The following TMED10 variants were observed in gnomAD, a reference collection of about 807,000 sequenced individuals.
TMED10 encodes transmembrane p24 trafficking protein 10, also known as transmembrane emp24 domain-containing protein 10.
A neutral mutation model predicts 23.1 loss-of-function variants in TMED10; 7 were observed. That is an observed-to-expected ratio of 0.30 (90% CI 0.17 to 0.57). TMED10 has a LOEUF of 0.57. Among genes scored for constraint, TMED10 ranks in the 20% least tolerant of loss-of-function variants. The pLI is 0.91. For synonymous variants in TMED10, 113 were observed against 106.9 expected (o/e 1.06, Z -0.35); for missense variants, 162 against 274.8 (o/e 0.59, Z 2.90).
chr14:75,145,104 G>A (rs1031386471), intron 3 of TMED10, among the ~76,000 whole-genome samples: 3 of 152,214 alleles, frequency 2.0e-5, no homozygotes, highest in African/African-American at 7.2e-5. Flanking sequence ...CAGGAGGGTG[G>A]GGATAGATGT....
chr14:75,147,105 T>C (rs1363883704), intron 3 of TMED10, among the ~76,000 whole-genome samples: 1 of 152,018 alleles, frequency 6.6e-6, no homozygotes, highest in Non-Finnish European at 1.5e-5. Context: ...TATGCTTCAG[T>C]GTTTTATCAA....
chr14:75,153,777 C>T (rs1397023212), intron 1 of TMED10, among the ~76,000 whole-genome samples: 10 of 131,772 alleles, frequency 7.6e-5, no homozygotes, highest in Admixed American at 8.5e-5. Flanking sequence ...TTTTTTTTCC[C>T]TTTTTTTTTT....
intron 2 of TMED10, among the ~76,000 whole-genome samples, chr14:75,150,807 G>A (rs1895945712): frequency 2.0e-5 from 3 of 152,172 alleles, no homozygotes; most frequent in Admixed American, 6.5e-5. Context: ...AGAACTGTCA[G>A]CCTATCCTCT....
Position 75,170,803 on chromosome 14 carries a change from GAAT to G in TMED10, c.225+5549_225+5551del, listed in dbSNP as rs755733417. On this transcript the variant is annotated intron_variant, in intron 1 of 4. Transcript: ENST00000303575. ...TAATCAGATGATATTAATTCCTTAA[GAAT>G]AATTTCAGCTAATAAATATGGAAGG... Among the ~76,000 whole-genome samples the G allele has an allele frequency of 3.9e-5, 6 of 152,120 alleles. No homozygotes were observed. The South Asian group carries it at 1.2e-3, about 32-fold the overall frequency.
In TMED10 at chr14:75,133,309, C is replaced by A. The variant is rs1895709901; in HGVS notation, c.*1576G>T. Reference sequence around the variant, plus strand: ...ACTCAATAGTAAAAAGAACAAATGACCTAAATAGAAAATAGACAAAAGACA... The same window carrying A: ...ACTCAATAGTAAAAAGAACAAATGAACTAAATAGAAAATAGACAAAAGACA... On this transcript the variant is annotated 3_prime_UTR_variant, in exon 5 of 5. Transcript: ENST00000303575. The A allele has an allele frequency of 1.3e-5, 2 of 151,930 alleles. No homozygotes were observed. The allele number at this position is 151,930 out of a possible 1,614,324, so 9.4% of individuals were successfully genotyped here. A position where few individuals can be genotyped will look rare whatever the true frequency, so the allele number is the denominator to read the frequency against.
intron 1 of TMED10, among the ~76,000 whole-genome samples, chr14:75,153,688 T>C (rs1895983142): frequency 6.6e-6 from 1 of 152,130 alleles, no homozygotes; most frequent in South Asian, 2.1e-4. Flanking sequence ...AGCAGGAAAA[T>C]TAAGTAGCAC....
chr14:75,165,988 G>A (rs1235669606), intron 1 of TMED10, among the ~76,000 whole-genome samples: 1 of 151,140 alleles, frequency 6.6e-6, no homozygotes, highest in Non-Finnish European at 1.5e-5. Flanking sequence ...GGGGAGGAGT[G>A]GGGGGGTAAG....
intron 1 of TMED10, among the ~76,000 whole-genome samples, chr14:75,165,950 A>G (rs1231018529): frequency 5.4e-5 from 8 of 148,290 alleles, no homozygotes. Context: ...CATTAACTTA[A>G]CATAGGCAAT....
chr14:75,139,230 A>T (rs1895792572), intron 3 of TMED10: 1 of 427,112 alleles, frequency 2.3e-6, no homozygotes, highest in South Asian at 1.7e-5. Context: ...TAAATGGCAT[A>T]CTACACACAT....
At chr14:75,173,338 G>T (rs146979873) in intron 1 of TMED10, among the ~76,000 whole-genome samples, 1 of 151,938 alleles carries the variant, frequency 6.6e-6, no homozygotes, top group East Asian at 1.9e-4. Flanking sequence ...GCAGTGAGCT[G>T]TGATGGTGCC....
rs1895700835 is a variant in TMED10, at chr14:75,132,611, T to C, written c.*2274A>G. ...TACAAGTTAACGACAGAACTACTTTTATGCCACAGGAGAGGAAGACACAAG... is the reference window on the plus strand; with the variant it reads ...TACAAGTTAACGACAGAACTACTTTCATGCCACAGGAGAGGAAGACACAAG... On this transcript the variant is annotated 3_prime_UTR_variant, in exon 5 of 5. Coordinates refer to ENST00000303575, the MANE Select transcript of TMED10 (RefSeq NM_006827.6). The C allele has an allele frequency of 6.6e-6, 1 of 152,040 alleles. No individual in the cohort carries two copies. Among genetic ancestry groups the C allele is most frequent in the Non-Finnish European group, 1.5e-5 (1 of 68,026 alleles). 9.4% of individuals were successfully genotyped at this position (152,040 alleles called of 1,614,324 possible). A position where few individuals can be genotyped will look rare whatever the true frequency, so the allele number is the denominator to read the frequency against.
At chr14:75,172,612 T>C (rs1594877036) in intron 1 of TMED10, among the ~76,000 whole-genome samples, 1 of 152,170 alleles carries the variant, frequency 6.6e-6, no homozygotes. Context: ...CTGGCCATCA[T>C]TGTTCATTTT....
rs1895705607 is a variant in TMED10, at chr14:75,132,959, A to G, written c.*1926T>C. 1 of 152,278 alleles carries G rather than the reference A, an allele frequency of 6.6e-6. No homozygotes were observed. Among genetic ancestry groups the G allele is most frequent in the Non-Finnish European group, 1.5e-5 (1 of 68,042 alleles). 9.4% of individuals were successfully genotyped at this position (152,278 alleles called of 1,614,324 possible). A position where few individuals can be genotyped will look rare whatever the true frequency, so the allele number is the denominator to read the frequency against. On this transcript the variant is annotated 3_prime_UTR_variant, in exon 5 of 5. Coordinates refer to ENST00000303575, the MANE Select transcript of TMED10 (RefSeq NM_006827.6). ...CATTTTTCATAACTGTTTATAAACA[A>G]TGGTCATTTATATCCACACTTTCTC... is the stretch of plus-strand genomic sequence containing the variant.
intron 1 of TMED10, among the ~76,000 whole-genome samples, chr14:75,175,370 T>G (rs1347351627): frequency 6.6e-6 from 1 of 152,162 alleles, no homozygotes; most frequent in African/African-American, 2.4e-5. Flanking sequence ...TTGTAACCAA[T>G]AATCGACTTT....
intron 1 of TMED10, among the ~76,000 whole-genome samples, chr14:75,155,355 T>C (rs2139846834): frequency 6.6e-6 from 1 of 152,318 alleles, no homozygotes; most frequent in East Asian, 1.9e-4. Context: ...CTTATGAGTC[T>C]AAATGAGGAG....
Position 75,133,543 on chromosome 14 carries a change from T to A in TMED10, c.*1342A>T, listed in dbSNP as rs542004382. The A allele has an allele frequency of 6.6e-6, 1 of 152,618 alleles. No individual in the cohort carries two copies. The highest frequency in any genetic ancestry group is 2.4e-5 in the African/African-American group (1 of 41,574). The allele number at this position is 152,618 out of a possible 1,614,324, so 9.5% of individuals were successfully genotyped here. ...GATCAATCATACATTGCTGTCTGAA[T>A]TGTATGAGTGGCTGTATGTAAAAAG... is the stretch of plus-strand genomic sequence containing the variant. On this transcript the variant is annotated 3_prime_UTR_variant, in exon 5 of 5. Coordinates refer to ENST00000303575, the MANE Select transcript of TMED10 (RefSeq NM_006827.6).
chr14:75,145,250 T>C (rs868257027), intron 3 of TMED10, among the ~76,000 whole-genome samples: 5 of 152,096 alleles, frequency 3.3e-5, no homozygotes, highest in Non-Finnish European at 5.9e-5. Context: ...GCACCGTGGT[T>C]TTCTTTGGGC....
In TMED10 at chr14:75,145,648, G is replaced by A. The variant is rs762473448; in HGVS notation, c.411+2016C>T. Among the ~76,000 whole-genome samples the A allele has an allele frequency of 3.9e-5, 6 of 152,206 alleles. No homozygotes were observed. In the South Asian group the frequency reaches 1.0e-3, roughly 26 times the overall value. ...TAAAAATACAAAAAATTAGCTGGGC[G>A]TGGTGATGGGTGCCTGTAGTCCCAG... On this transcript the variant is annotated intron_variant, in intron 3 of 4. Coordinates refer to ENST00000303575, the MANE Select transcript of TMED10 (RefSeq NM_006827.6).
intron 1 of TMED10, among the ~76,000 whole-genome samples, chr14:75,161,355 G>A (rs192834530): frequency 4.6e-4 from 70 of 152,202 alleles, no homozygotes; most frequent in Non-Finnish European, 8.7e-4. Flanking sequence ...TCACCTGAGG[G>A]AAGAAAAAAG....
Sources: allele counts gnomAD v4.1 joint callset (sites outside exome capture counted in the v4.1 genomes callset), GRCh38; gene constraint gnomAD v4.1.1; transcripts MANE v1.5; gene names NCBI Gene and HGNC (gene_info 2026-07-23, HGNC 2026-07-21).